Variants in CNST observed in about 807,000 individuals in gnomAD.
The protein encoded by CNST is consortin, connexin sorting protein.
A neutral mutation model predicts 72.4 loss-of-function variants in CNST; 39 were observed. That is an observed-to-expected ratio of 0.54 (90% CI 0.42 to 0.70). The LOEUF (loss-of-function observed/expected upper bound fraction) is 0.70. Ranked by LOEUF, CNST falls within the 30% of genes least tolerant of loss-of-function variation. The pLI is 0.00. For missense variants in CNST, 871 were observed against 868.5 expected (o/e 1.00, Z -0.04); for synonymous variants, 332 against 320.1 (o/e 1.04, Z -0.40).
Position 246,660,261 on chromosome 1 carries a change from T to A in CNST, c.1899T>A (p.His633Gln). The A allele has an allele frequency of 6.2e-7, 1 of 1,613,824 alleles. No individual in the cohort carries two copies. The highest frequency in any genetic ancestry group is 8.5e-7 in the Non-Finnish European group (1 of 1,179,740). ...AGAGGAATGATACTGTAGGAGATCATCCTGCCCAAATGCAACACAAACCAT... is the reference window on the plus strand; with the variant it reads ...AGAGGAATGATACTGTAGGAGATCAACCTGCCCAAATGCAACACAAACCAT... ...LKKRNDTVGD[H>Q]PAQMQHKPSK... is the part of the protein sequence containing the mutation. Residue 633 changes from histidine to glutamine, a missense_variant, in exon 10 of 11, where the codon CAT (histidine) becomes CAA (glutamine). By Grantham distance (24) the His-to-Gln change is conservative. Transcript: ENST00000366513.
intron 9 of CNST, among the ~76,000 whole-genome samples, chr1:246,651,326 A>G (rs1276022631): frequency 6.6e-6 from 1 of 151,986 alleles, no homozygotes; most frequent in African/African-American, 2.4e-5. Flanking sequence ...AGATCTCCCT[A>G]TCATTTCTCC....
chr1:246,634,443 G>A, intron 5 of CNST, 30 bp from the exon 6 acceptor site: 10 of 1,315,512 alleles, frequency 7.6e-6, no homozygotes, highest in Non-Finnish European at 1.1e-5. Context: ...TTTTATAAGA[G>A]CCAGTGACTA....
intron 1 of CNST, chr1:246,569,994 A>G: frequency 1.3e-6 from 1 of 790,774 alleles, no homozygotes; most frequent in Non-Finnish European, 1.5e-6. Context: ...GTTTCAGGTA[A>G]GGCTAAGAGT....
Position 246,647,515 on chromosome 1 carries a change from C to G in CNST, c.1314C>G (p.Gly438=). The part of the protein sequence containing the change: ...KSKTEPLISP[G]CDRIPPALIS... ...AGACAGAGCCGTTGATTTCACCAGG[C>G]TGTGACCGTATACCTCCTGCATTGA... The change falls in exon 9 of 11, where the codon GGC becomes GGG. Residue 438 remains glycine, a synonymous_variant. Transcript: ENST00000366513. The G allele has an allele frequency of 6.2e-7, 1 of 1,614,196 alleles. No homozygotes were observed. The highest frequency in any genetic ancestry group is 8.5e-7 in the Non-Finnish European group (1 of 1,180,042).
At chr1:246,575,100 A>G (rs994645997) in intron 1 of CNST, among the ~76,000 whole-genome samples, 1 of 151,744 alleles carries the variant, frequency 6.6e-6, no homozygotes, top group African/African-American at 2.4e-5. Context: ...GGTTCAAGTG[A>G]TTCTCGCCTC....
intron 3 of CNST, among the ~76,000 whole-genome samples, chr1:246,626,458 T>TC (rs1553379741): frequency 7.7e-6 from 1 of 129,402 alleles, no homozygotes; most frequent in African/African-American, 3.3e-5. Flanking sequence ...GTCCTTTTTT[T>TC]TTTTTTTTTT....
intron 1 of CNST, among the ~76,000 whole-genome samples, chr1:246,589,812 T>A (rs1165227813): frequency 6.6e-6 from 1 of 152,222 alleles, no homozygotes; most frequent in Non-Finnish European, 1.5e-5. Context: ...CCATTCTAAC[T>A]GGTGTGAGAT....
intron 8 of CNST, among the ~76,000 whole-genome samples, chr1:246,642,518 TATG>T (rs1665780097): frequency 6.6e-6 from 1 of 152,068 alleles, no homozygotes; most frequent in Admixed American, 6.6e-5. Context: ...TTTACTAACA[TATG>T]ATATACTTTA....
At chr1:246,662,287 A>T (rs1255061148) in intron 10 of CNST, among the ~76,000 whole-genome samples, 1 of 152,212 alleles carries the variant, frequency 6.6e-6, no homozygotes, top group Admixed American at 6.5e-5. Flanking sequence ...CTGTAAGCCA[A>T]TGCTATCCCC....
At chr1:246,585,533 G>A (rs1405502389) in intron 1 of CNST, among the ~76,000 whole-genome samples, 1 of 150,974 alleles carries the variant, frequency 6.6e-6, no homozygotes, top group Non-Finnish European at 1.5e-5. Flanking sequence ...TGTAATCCCA[G>A]CTACTCAGGT....
At chr1:246,641,326 C>T (rs1665676073) in intron 6 of CNST, among the ~76,000 whole-genome samples, 1 of 152,162 alleles carries the variant, frequency 6.6e-6, no homozygotes, top group South Asian at 2.1e-4. Flanking sequence ...TATTCCCTAA[C>T]ATTTAATATT....
At chr1:246,619,906 C>T (rs1452077118) in intron 2 of CNST, among the ~76,000 whole-genome samples, 3 of 125,578 alleles carry the variant, frequency 2.4e-5, no homozygotes, top group Non-Finnish European at 3.3e-5. Flanking sequence ...CGGCTTCAGT[C>T]GTGCATACAC....
At chr1:246,613,750 G>A (rs1317873826) in intron 2 of CNST, among the ~76,000 whole-genome samples, 1 of 64,098 alleles carries the variant, frequency 1.6e-5, no homozygotes, top group Non-Finnish European at 3.3e-5. Flanking sequence ...CTGGAGTGCA[G>A]TAGCCTGATC....
rs756912226 is a variant in CNST at position 246,647,932 on chromosome 1, A to G, written c.1731A>G (p.Gln577=). The G allele has an allele frequency of 1.2e-6, 2 of 1,613,554 alleles. No individual in the cohort carries two copies. Among genetic ancestry groups the G allele is most frequent in the Non-Finnish European group, 8.5e-7 (1 of 1,179,708 alleles). The change falls in exon 9 of 11, where the codon CAA becomes CAG. Residue 577 remains glutamine (Q), a synonymous_variant. Coordinates refer to ENST00000366513, the MANE Select transcript of CNST (RefSeq NM_152609.3). ...DNQDDDSDLL[Q]DLSPEEASYS... is the part of the protein sequence containing the mutation. ...AAGACGACGACTCCGATCTCCTTCA[A>G]GATCTCTCTCCTGAAGAAGCATCCT... is the stretch of plus-strand genomic sequence containing the variant.
In CNST at chr1:246,659,443, A is replaced by C. The variant is rs534683893; in HGVS notation, c.1837-756A>C. ...CCCCGTCTCTACTGAAAATACAAAA[A>C]AATTAGCCGAGCATGGTGGCGGGTG... On this transcript the variant is annotated intron_variant, in intron 9 of 10. Coordinates refer to ENST00000366513, the MANE Select transcript of CNST (RefSeq NM_152609.3). Among the ~76,000 whole-genome samples the C allele has an allele frequency of 2.9e-3, 435 of 152,240 alleles. 2 individuals carry two copies. Among genetic ancestry groups the C allele is most frequent in the African/African-American group, 9.7e-3 (402 of 41,544 alleles).
At chr1:246,632,266 G>A (rs551408842) in intron 4 of CNST, 12 of 296,732 alleles carry the variant, frequency 4.0e-5, no homozygotes, top group African/African-American at 1.1e-4. Context: ...CCAGTTTAGC[G>A]GCATGTTCTT....
At chr1:246,602,161 A>G (rs1393106127) in intron 2 of CNST, among the ~76,000 whole-genome samples, 1 of 152,212 alleles carries the variant, frequency 6.6e-6, no homozygotes, top group African/African-American at 2.4e-5. Context: ...AATTGAAAGT[A>G]CAAACGTCAG....
rs952901554 is a variant in CNST at position 246,667,853 on chromosome 1, A to C, written c.*1948A>C. 2 of 151,950 alleles carry C rather than the reference A, an allele frequency of 1.3e-5. No individual in the cohort carries two copies. Among genetic ancestry groups the C allele is most frequent in the African/African-American group, 4.8e-5 (2 of 41,354 alleles). 9.4% of individuals were successfully genotyped at this position (151,950 alleles called of 1,614,324 possible). ...ATAAGTTAAAACTTCCCTCCTGTTC[A>C]CCTCTTGGGTCTCTATCCTGTGTAA... On this transcript the variant is annotated 3_prime_UTR_variant, in exon 11 of 11. Transcript: ENST00000366513.
chr1:246,621,530 G>A lies in CNST; in HGVS notation c.481G>A (p.Glu161Lys), dbSNP rs757707870. The change falls in exon 3 of 11, where the codon GAG (glutamate) becomes AAG (lysine). Residue 161 changes from glutamate to lysine, a missense_variant. Transcript: ENST00000366513. ...DEEAAEVNAN[E>K]QPEAPKLVLQ... ...AGAAGCTGCTGAAGTAAATGCTAAT[G>A]AGCAGCCAGAGGCGCCAAAGCTTGT... 6.2e-7 allele frequency: 1 copy of A among 1,613,946 alleles called. No individual in the cohort carries two copies. The highest frequency in any genetic ancestry group is 1.3e-5 in the African/African-American group (1 of 74,916).
Sources: allele counts gnomAD v4.1 joint callset (sites outside exome capture counted in the v4.1 genomes callset), GRCh38; gene constraint gnomAD v4.1.1; transcripts MANE v1.5; gene names NCBI Gene and HGNC (gene_info 2026-07-23, HGNC 2026-07-21).